Variants in GUCY1A2 observed in about 807,000 individuals in gnomAD.
GUCY1A2 encodes the protein guanylate cyclase soluble subunit alpha-2.
Under a neutral mutation model 63.5 loss-of-function variants are expected in GUCY1A2, and 27 were observed. That is an observed-to-expected ratio of 0.43 (90% CI 0.31 to 0.59). The LOEUF (loss-of-function observed/expected upper bound fraction) is 0.59, where lower values mean the gene tolerates loss of function less well. Among genes scored for constraint, GUCY1A2 ranks in the 20% least tolerant of loss-of-function variants. The probability of loss-of-function intolerance (pLI) is 0.11; values close to 1 mark genes in which losing one functional copy is unlikely to be tolerated. For synonymous variants in GUCY1A2, 364 were observed against 343.5 expected, an observed-to-expected ratio of 1.06 and a Z score of -0.66; for missense variants, 768 against 913.3, an observed-to-expected ratio of 0.84 and a Z score of 2.05.
chr11:106,776,031 G>T (rs780516692), intron 6 of GUCY1A2, among the ~76,000 whole-genome samples: 1 of 152,110 alleles, frequency 6.6e-6, no homozygotes, highest in Non-Finnish European at 1.5e-5. Flanking sequence ...TGTTTCACAA[G>T]GAATACCTGT....
At chr11:106,947,284 A>G (rs1021543616) in intron 3 of GUCY1A2, among the ~76,000 whole-genome samples, 1 of 152,044 alleles carries the variant, frequency 6.6e-6, no homozygotes, top group Non-Finnish European at 1.5e-5. Context: ...ACACTAATAC[A>G]TGTCTCTCAG....
intron 6 of GUCY1A2, among the ~76,000 whole-genome samples, chr11:106,722,647 G>A (rs1452620260): frequency 6.6e-6 from 1 of 151,952 alleles, no homozygotes; most frequent in Non-Finnish European, 1.5e-5. Context: ...TAAAAGGCTT[G>A]GTAGTATTTA....
chr11:106,957,567 C>T lies in GUCY1A2; in HGVS notation c.488-17389G>A, dbSNP rs1283106842. On this transcript the variant is annotated intron_variant, in intron 3 of 7. Coordinates refer to ENST00000526355, the MANE Select transcript of GUCY1A2 (RefSeq NM_000855.3). Reference sequence around the variant, plus strand: ...CTTCCCCGTGTGGCTCTCAGGTGGGCCTTCTCACTACACTGCTCTTCCTTC... The same window carrying T: ...CTTCCCCGTGTGGCTCTCAGGTGGGTCTTCTCACTACACTGCTCTTCCTTC... 3.3e-5 allele frequency among the ~76,000 whole-genome samples: 5 copies of T among 150,616 alleles called. No individual in the cohort carries two copies. The East Asian group carries it at 1.0e-3, about 30-fold the overall frequency.
rs1862960010 is a variant in GUCY1A2, at chr11:106,708,598, GCAATAACGTGGCATTCGCACCC to G, written c.1883_1904del (p.Gly628AlafsTer32). On this transcript the variant is annotated frameshift_variant, in exon 7 of 8. Transcript: ENST00000526355. LOFTEE classifies it high-confidence loss of function. ...CCAGTGTGACATTATTTCCAAACAG[GCAATAACGTGGCATTCGCACCC>G]CAACAACTCCAGCCAGCACGGAGCC... The G allele has an allele frequency of 1.2e-6, 2 of 1,612,646 alleles. No homozygotes were observed. The highest frequency in any genetic ancestry group is 2.7e-5 in the African/African-American group (2 of 74,748).
chr11:106,748,537 A>T lies in GUCY1A2; in HGVS notation c.1836+27902T>A, dbSNP rs143160883. Among the ~76,000 whole-genome samples the T allele has an allele frequency of 6.7e-3, 1,015 of 152,268 alleles. 12 individuals are homozygous for T. Among genetic ancestry groups the T allele is most frequent in the African/African-American group, 0.022 (923 of 41,564 alleles). ...TCCCTCCCTGTTAATTCTCTTAGGG[A>T]GCTAGATGTTCTTTATCCATTTGCA... On this transcript the variant is annotated intron_variant, in intron 6 of 7. Coordinates refer to ENST00000526355, the MANE Select transcript of GUCY1A2 (RefSeq NM_000855.3).
intron 5 of GUCY1A2, among the ~76,000 whole-genome samples, chr11:106,788,214 A>C (rs1864599068): frequency 6.6e-6 from 1 of 151,082 alleles, no homozygotes; most frequent in African/African-American, 2.4e-5. Context: ...CCTTTTGTCC[A>C]TTTTAAAATC....
chr11:106,780,766 T>C (rs1433093166), intron 5 of GUCY1A2, among the ~76,000 whole-genome samples: 1 of 152,144 alleles, frequency 6.6e-6, no homozygotes, highest in Admixed American at 6.5e-5. Flanking sequence ...GTTTAAGTAA[T>C]TGGCATATAC....
intron 4 of GUCY1A2, among the ~76,000 whole-genome samples, chr11:106,897,828 A>G (rs1860072575): frequency 6.6e-6 from 1 of 152,144 alleles, no homozygotes; most frequent in Non-Finnish European, 1.5e-5. Flanking sequence ...TGACAAAGGC[A>G]TGATGTATTT....
chr11:106,792,036 G>T (rs1024449309), intron 5 of GUCY1A2, among the ~76,000 whole-genome samples: 7 of 152,114 alleles, frequency 4.6e-5, no homozygotes, highest in African/African-American at 1.7e-4. Flanking sequence ...GATGAACACT[G>T]ATGCAAAATT....
intron 6 of GUCY1A2, among the ~76,000 whole-genome samples, chr11:106,764,973 G>GA (rs1555028467): frequency 0.011 from 1,051 of 92,648 alleles, 15 homozygotes; most frequent in African/African-American, 0.04. Flanking sequence ...ATTTTTTTGG[G>GA]GGGGGGTTGG....
At chr11:106,772,247 C>T (rs1864270792) in intron 6 of GUCY1A2, among the ~76,000 whole-genome samples, 1 of 152,116 alleles carries the variant, frequency 6.6e-6, no homozygotes, top group Non-Finnish European at 1.5e-5. Flanking sequence ...TATCAATTTA[C>T]TTTTCAAAGT....
intron 4 of GUCY1A2, chr11:106,824,694 T>G: frequency 9.4e-7 from 1 of 1,064,512 alleles, no homozygotes; most frequent in Non-Finnish European, 1.3e-6. Context: ...CCTGTATACT[T>G]AAAAAGCCAA....
In GUCY1A2 at chr11:106,949,007, T is replaced by C. The variant is rs149256998; in HGVS notation, c.488-8829A>G. On this transcript the variant is annotated intron_variant, in intron 3 of 7. Coordinates refer to ENST00000526355, the MANE Select transcript of GUCY1A2 (RefSeq NM_000855.3). ...ATATAAAAAAGATGTAAAAAGATGC[T>C]TGATTTTGTATGATATAAAGCTAAG... Among the ~76,000 whole-genome samples the C allele has an allele frequency of 8.0e-3, 1,218 of 152,312 alleles. 7 individuals are homozygous for C. Among genetic ancestry groups the C allele is most frequent in the Non-Finnish European group, 0.013 (902 of 68,028 alleles).
intron 1 of GUCY1A2, among the ~76,000 whole-genome samples, chr11:106,986,817 T>C (rs1241263090): frequency 6.6e-6 from 1 of 152,158 alleles, no homozygotes; most frequent in Non-Finnish European, 1.5e-5. Flanking sequence ...TGGAGCATAC[T>C]GGATGGGCCA....
chr11:106,960,166 G>C (rs1861040807), intron 3 of GUCY1A2, among the ~76,000 whole-genome samples: 2 of 152,074 alleles, frequency 1.3e-5, no homozygotes, highest in Admixed American at 6.5e-5. Flanking sequence ...CCAATATTTT[G>C]TCTTTTTATA....
chr11:107,017,627 C>T (rs1210287408), intron 1 of GUCY1A2, 126 bp downstream of exon 1: 4 of 439,356 alleles, frequency 9.1e-6, no homozygotes, highest in African/African-American at 2.1e-5. Flanking sequence ...CTAGGCCGTG[C>T]AGGGTAAGGC....
chr11:106,786,642 T>G (rs1345650086), intron 5 of GUCY1A2, among the ~76,000 whole-genome samples: 1 of 152,186 alleles, frequency 6.6e-6, no homozygotes, highest in Admixed American at 6.5e-5. Context: ...AAATATCAAG[T>G]CAAAATTTCA....
At chr11:106,908,709 T>G (rs1410302314) in intron 4 of GUCY1A2, among the ~76,000 whole-genome samples, 1 of 152,004 alleles carries the variant, frequency 6.6e-6, no homozygotes, top group East Asian at 1.9e-4. Context: ...AAAGAACACT[T>G]TAACAGCATA....
intron 6 of GUCY1A2, among the ~76,000 whole-genome samples, chr11:106,740,709 C>G (rs1021281137): frequency 7.1e-6 from 1 of 140,638 alleles, no homozygotes; most frequent in Admixed American, 7.4e-5. Context: ...GAGTTTAGCT[C>G]GTTACCCAGG....
Sources: allele counts gnomAD v4.1 joint callset (sites outside exome capture counted in the v4.1 genomes callset), GRCh38; gene constraint gnomAD v4.1.1; transcripts MANE v1.5; gene names NCBI Gene and HGNC (gene_info 2026-07-23, HGNC 2026-07-21).